PAK3: variants seen among roughly 807,000 people sequenced by gnomAD.
PAK3 encodes serine/threonine-protein kinase PAK 3.
PAK3 carries 4 observed loss-of-function variants against 41.0 expected under a neutral mutation model. The ratio of observed to expected loss-of-function variants is 0.10; its 90% CI spans 0.05 to 0.22. PAK3 has a LOEUF of 0.22. PAK3 is among the 10% of genes least tolerant of loss of function. The pLI, the probability that PAK3 is intolerant of heterozygous loss-of-function variation, is 1.00. For missense variants in PAK3, 205 were observed against 409.9 expected (o/e 0.50, Z 4.32); for synonymous variants, 146 against 139.6 (o/e 1.05, Z -0.32).
At position 111,102,418 on chromosome X, in the gene PAK3, G is replaced by T. The variant is rs189774385; in HGVS notation, c.-175-741G>T. On this transcript the variant is annotated intron_variant, in intron 3 of 17. Transcript: ENST00000372007. ...AAGGTAGAGGGAAGCTCCAATTAGG[G>T]TCAGAGGCTGGGGCCTTCAGCACCT... 1.5e-3 allele frequency among the ~76,000 whole-genome samples: 167 copies of T among 112,388 alleles called. 1 individual carries two copies. The highest frequency in any genetic ancestry group is 0.014 in the Admixed American group (154 of 10,642).
At chrX:110,974,567 T>G (rs991062658) in intron 1 of PAK3, among the ~76,000 whole-genome samples, 1 of 111,545 alleles carries the variant, frequency 9.0e-6, no homozygotes, top group South Asian at 3.7e-4. Flanking sequence ...CTGAAACTAT[T>G]CCAATGAATA....
chrX:111,100,856 A>G (rs1323086014), intron 3 of PAK3, among the ~76,000 whole-genome samples: 1 of 111,384 alleles, frequency 9.0e-6, no homozygotes, highest in Non-Finnish European at 1.9e-5. Context: ...AGATGTGTGC[A>G]CTGATTTCTA....
At chrX:111,159,685 G>T (rs1048595117) in intron 8 of PAK3, among the ~76,000 whole-genome samples, 11 of 111,738 alleles carry the variant, frequency 9.8e-5, no homozygotes, top group African/African-American at 3.6e-4. Context: ...TAAAAATCTG[G>T]AAACTTAATG....
chrX:110,968,385 G>A (rs1378963412), intron 1 of PAK3, among the ~76,000 whole-genome samples: 1 of 112,405 alleles, frequency 8.9e-6, no homozygotes, highest in Non-Finnish European at 1.9e-5. Flanking sequence ...TGCATATTTA[G>A]TTTTATAAGA....
chrX:111,190,916 T>A (rs951760648), intron 11 of PAK3, among the ~76,000 whole-genome samples: 4 of 112,158 alleles, frequency 3.6e-5, no homozygotes, highest in African/African-American at 1.3e-4. Flanking sequence ...AATTGACTTT[T>A]TTTCTTTTTC....
rs2094607939 is a variant in PAK3, at chrX:111,195,756, T to C, written c.1111-86T>C. Reference sequence around the variant, plus strand: ...TTTCACTTGACAATATAAAGTTATATCCCTGCCCAAAATTTATCTAGAAAT... The same window carrying C: ...TTTCACTTGACAATATAAAGTTATACCCCTGCCCAAAATTTATCTAGAAAT... On this transcript the variant is annotated intron_variant, in intron 14 of 17. Transcript: ENST00000372007. 8.0e-6 allele frequency: 5 copies of C among 625,313 alleles called. No homozygotes were observed. The East Asian group carries it at 1.1e-4, about 13-fold the overall frequency. The allele number at this position is 625,313 out of a possible 1,213,427, so 51.5% of individuals were successfully genotyped here.
chrX:111,029,544 A>G (rs923253893), intron 1 of PAK3, among the ~76,000 whole-genome samples: 3 of 111,984 alleles, frequency 2.7e-5, no homozygotes, highest in Non-Finnish European at 5.6e-5. Context: ...TTATCAAGAA[A>G]GTCATGAGGA....
intron 1 of PAK3, among the ~76,000 whole-genome samples, chrX:111,005,327 G>T (rs1387034470): frequency 1.8e-5 from 2 of 111,431 alleles, no homozygotes; most frequent in Non-Finnish European, 1.9e-5. Context: ...TTCTTTGTCA[G>T]CTCCCCCTCA....
At chrX:111,008,873 C>G (rs1227096544) in intron 1 of PAK3, among the ~76,000 whole-genome samples, 1 of 111,260 alleles carries the variant, frequency 9.0e-6, no homozygotes, top group Non-Finnish European at 1.9e-5. Context: ...TGCATAGATA[C>G]ACACGAGTGG....
intron 1 of PAK3, among the ~76,000 whole-genome samples, chrX:110,972,122 A>C (rs996487301): frequency 9.1e-5 from 10 of 109,769 alleles, no homozygotes; most frequent in Middle Eastern, 4.8e-3. Flanking sequence ...CTATCTATCT[A>C]TCTCTCTCTC....
At chrX:111,206,382 G>A (rs1023039934) in intron 16 of PAK3, among the ~76,000 whole-genome samples, 4 of 111,449 alleles carry the variant, frequency 3.6e-5, no homozygotes, top group African/African-American at 1.3e-4. Flanking sequence ...AGCACAAGCA[G>A]CCCCCTCTGC....
chrX:111,208,999 C>A (rs767218674), intron 16 of PAK3, among the ~76,000 whole-genome samples: 10 of 110,593 alleles, frequency 9.0e-5, no homozygotes, highest in Non-Finnish European at 1.5e-4. Flanking sequence ...TGAAACCCCT[C>A]TACCTCTCTG....
intron 16 of PAK3, among the ~76,000 whole-genome samples, chrX:111,208,020 C>T (rs778553659): frequency 8.9e-6 from 1 of 112,590 alleles, no homozygotes; most frequent in African/African-American, 3.2e-5. Context: ...GTCTCGAACT[C>T]CTGACCTCAG....
chrX:110,996,995 C>A (rs936205064), intron 1 of PAK3, among the ~76,000 whole-genome samples: 4 of 111,794 alleles, frequency 3.6e-5, no homozygotes, highest in Admixed American at 2.9e-4. Context: ...ATAGATAAAT[C>A]TTGAGTAAAG....
At chrX:111,078,572 C>T (rs1199597616) in intron 1 of PAK3, among the ~76,000 whole-genome samples, 4 of 110,978 alleles carry the variant, frequency 3.6e-5, no homozygotes, top group Admixed American at 1.9e-4. Context: ...CATCTCTCTC[C>T]TTCTCCCTCT....
intron 1 of PAK3, among the ~76,000 whole-genome samples, chrX:110,985,486 T>A (rs1345461385): frequency 1.8e-5 from 2 of 112,468 alleles, no homozygotes; most frequent in Non-Finnish European, 3.8e-5. Flanking sequence ...AGTGAATAAA[T>A]AAGTGAACAG....
intron 15 of PAK3, among the ~76,000 whole-genome samples, 179 bp from the exon 16 acceptor site, chrX:111,196,265 A>G (rs1427498395): frequency 8.9e-6 from 1 of 112,308 alleles, no homozygotes; most frequent in South Asian, 3.7e-4. Flanking sequence ...ACGTTAGTCA[A>G]TTATTTCAGA....
chrX:111,103,043 A>ATGTGTGTGTGTGTATGAGAGAGAGAGTG (rs2093176033), intron 3 of PAK3, 116 bp from the exon 4 acceptor site: 1 of 108,003 alleles, frequency 9.3e-6, no homozygotes, highest in African/African-American at 3.4e-5. Flanking sequence ...GAGAGAGAGT[A>ATGTGTGTGTGTGTATGAGAGAGAGAGTG]TGTGTGTGTG....
intron 16 of PAK3, among the ~76,000 whole-genome samples, chrX:111,205,835 G>GTT (rs909073987): frequency 3.6e-4 from 40 of 111,850 alleles, no homozygotes; most frequent in African/African-American, 1.3e-3. Flanking sequence ...CAGTCAGCCT[G>GTT]TTTTAATCCT....
Sources: allele counts gnomAD v4.1 joint callset (sites outside exome capture counted in the v4.1 genomes callset), GRCh38; gene constraint gnomAD v4.1.1; transcripts MANE v1.5; gene names NCBI Gene and HGNC (gene_info 2026-07-23, HGNC 2026-07-21).